The following CDIN1 variants were observed in gnomAD, a reference collection of about 807,000 sequenced individuals.
The protein encoded by CDIN1 is CDAN1 interacting nuclease 1.
Under a neutral mutation model 45.3 loss-of-function variants are expected in CDIN1, and 33 were observed. That is an observed-to-expected ratio of 0.73 (90% CI 0.55 to 0.97). CDIN1 has a LOEUF of 0.97. Among genes scored for constraint, CDIN1 ranks in the 50% least tolerant of loss-of-function variants. The pLI is 0.00. For missense variants in CDIN1, 303 were observed against 339.4 expected (o/e 0.89, Z 0.84); for synonymous variants, 118 against 124.4 (o/e 0.95, Z 0.34).
intron 10 of CDIN1, among the ~76,000 whole-genome samples, chr15:36,722,975 G>GTA (rs2043484002): frequency 7.6e-6 from 1 of 132,302 alleles, no homozygotes; most frequent in Admixed American, 8.3e-5. Flanking sequence ...GTGTGTGTGT[G>GTA]TGTGTGTGTG....
chr15:36,634,700 T>G (rs2039822347), intron 1 of CDIN1, among the ~76,000 whole-genome samples: 3 of 152,240 alleles, frequency 2.0e-5, no homozygotes, highest in Non-Finnish European at 4.4e-5. Flanking sequence ...TTGATGCTCT[T>G]ATTTCGTTTC....
At chr15:36,728,838 T>C (rs1233448017) in intron 10 of CDIN1, among the ~76,000 whole-genome samples, 1 of 151,944 alleles carries the variant, frequency 6.6e-6, no homozygotes, top group African/African-American at 2.4e-5. Flanking sequence ...CACGTTCAGC[T>C]AATTTTTTCT....
At chr15:36,613,377 A>C (rs2038740153) in intron 1 of CDIN1, 1 of 884,072 alleles carries the variant, frequency 1.1e-6, no homozygotes, top group African/African-American at 1.7e-5. Flanking sequence ...TAAAAAAAGG[A>C]TTCCTTGTCT....
chr15:36,599,241 T>C (rs1432994061), intron 1 of CDIN1, among the ~76,000 whole-genome samples: 1 of 152,210 alleles, frequency 6.6e-6, no homozygotes, highest in Admixed American at 6.5e-5. Context: ...TTTAAAAATA[T>C]TAAAATATTC....
At chr15:36,628,611 C>T (rs1595388860) in intron 1 of CDIN1, among the ~76,000 whole-genome samples, 1 of 152,016 alleles carries the variant, frequency 6.6e-6, no homozygotes, top group Non-Finnish European at 1.5e-5. Flanking sequence ...ATTTAGATGA[C>T]ATTTTGAACC....
At chr15:36,678,830 AGC>A (rs1188239496) in intron 5 of CDIN1, among the ~76,000 whole-genome samples, 4 of 152,202 alleles carry the variant, frequency 2.6e-5, no homozygotes, top group Admixed American at 2.6e-4. Flanking sequence ...GGATCTTGAG[AGC>A]GCAGATGTTT....
intron 10 of CDIN1, among the ~76,000 whole-genome samples, chr15:36,776,130 G>T (rs1273260827): frequency 4.6e-5 from 7 of 152,216 alleles, no homozygotes; most frequent in Non-Finnish European, 8.8e-5. Flanking sequence ...AAGACAAATT[G>T]AATAATACAG....
chr15:36,619,060 G>A, intron 1 of CDIN1: 1 of 1,264,454 alleles, frequency 7.9e-7, no homozygotes, highest in South Asian at 1.4e-5. Context: ...AGACAATGAA[G>A]CTCCTTAGAA....
At chr15:36,709,361 T>G (rs2042976489) in intron 9 of CDIN1, 73 bp downstream of exon 9, 5 of 1,112,484 alleles carry the variant, frequency 4.5e-6, no homozygotes, top group Admixed American at 2.7e-5. Flanking sequence ...TTTATGTTAA[T>G]ATTAGCTTTA....
At chr15:36,799,961 T>C (rs1055693595) in intron 10 of CDIN1, 1 of 152,156 alleles carries the variant, frequency 6.6e-6, no homozygotes, top group African/African-American at 2.4e-5. Context: ...CTATATCCAA[T>C]ATAGAACAAA....
chr15:36,685,641 A>T (rs1595468910), intron 5 of CDIN1, among the ~76,000 whole-genome samples: 1 of 152,262 alleles, frequency 6.6e-6, no homozygotes, highest in East Asian at 1.9e-4. Context: ...AATGGGAGAA[A>T]ATTTTCTCAA....
Position 36,579,826 on chromosome 15 carries a change from C to T in CDIN1, c.-35C>T. ...CTACTTGAGCCCCAGGGTGTTTTTT[C>T]CTTGTTCCCGCCACCTCCTGGTCCC... On this transcript the variant is annotated 5_prime_UTR_variant, in exon 1 of 11. Coordinates refer to ENST00000566621, the MANE Select transcript of CDIN1 (RefSeq NM_001321759.2). 1 of 1,573,504 alleles carries T rather than the reference C, an allele frequency of 6.4e-7. No homozygotes were observed. The highest frequency in any genetic ancestry group is 8.7e-7 in the Non-Finnish European group (1 of 1,155,268).
intron 10 of CDIN1, among the ~76,000 whole-genome samples, chr15:36,743,717 C>T (rs2044317939): frequency 6.6e-6 from 1 of 151,822 alleles, no homozygotes; most frequent in African/African-American, 2.4e-5. Context: ...CATAGTGAAA[C>T]CCCATCTCTA....
intron 1 of CDIN1, among the ~76,000 whole-genome samples, chr15:36,634,379 G>A (rs997862499): frequency 5.9e-5 from 9 of 151,984 alleles, no homozygotes; most frequent in Admixed American, 2.0e-4. Flanking sequence ...AGCCTTGATC[G>A]CGCCACTGCA....
intron 8 of CDIN1, among the ~76,000 whole-genome samples, chr15:36,701,122 G>GA (rs1566912597): frequency 0.057 from 5,912 of 103,742 alleles, 120 homozygotes; most frequent in Middle Eastern, 0.09. Flanking sequence ...AGATAGGTAG[G>GA]TAGATAGATA....
chr15:36,588,524 G>T (rs1051389250), intron 1 of CDIN1, among the ~76,000 whole-genome samples: 9 of 152,134 alleles, frequency 5.9e-5, no homozygotes, highest in African/African-American at 2.2e-4. Context: ...CATAGAAATA[G>T]AATTAATTTA....
At chr15:36,642,327 A>G (rs2040142063) in intron 1 of CDIN1, among the ~76,000 whole-genome samples, 1 of 152,218 alleles carries the variant, frequency 6.6e-6, no homozygotes, top group African/African-American at 2.4e-5. Flanking sequence ...TTTATTCTCT[A>G]CAGCTTTGAA....
At chr15:36,660,828 C>A (rs2040982832) in intron 5 of CDIN1, among the ~76,000 whole-genome samples, 1 of 152,174 alleles carries the variant, frequency 6.6e-6, no homozygotes, top group South Asian at 2.1e-4. Flanking sequence ...AGTGCCTTGG[C>A]CATCATCCTA....
intron 10 of CDIN1, among the ~76,000 whole-genome samples, chr15:36,743,176 G>A (rs1467454876): frequency 3.3e-5 from 5 of 152,178 alleles, no homozygotes; most frequent in Admixed American, 2.6e-4. Flanking sequence ...AATCACTTCG[G>A]CAGTGGGAAG....
Sources: gnomAD v4.1 joint callset for allele counts (sites outside exome capture counted in the v4.1 genomes callset) on GRCh38, gnomAD v4.1.1 for gene constraint, MANE v1.5 for transcripts, NCBI Gene and HGNC (gene_info 2026-07-23, HGNC 2026-07-21) for gene names.